The following ZUP1 variants were observed in gnomAD, a reference collection of about 807,000 sequenced individuals.
The protein encoded by ZUP1 is zinc finger-containing ubiquitin peptidase 1.
In ZUP1, 55 loss-of-function variants were observed where a neutral mutation model predicts 68.1. The observed-to-expected ratio is 0.81, with a 90% CI of 0.65 to 1.01. The LOEUF (loss-of-function observed/expected upper bound fraction) is 1.01. ZUP1 is among the 50% of genes least tolerant of loss of function. ZUP1 has a pLI of 0.00. For missense variants in ZUP1, 684 were observed against 674.9 expected, an observed-to-expected ratio of 1.01 and a Z score of -0.15; for synonymous variants, 223 against 221.5, an observed-to-expected ratio of 1.01 and a Z score of -0.06.
chr6:116,662,297 T>C (rs987558928), intron 2 of ZUP1, among the ~76,000 whole-genome samples: 1 of 152,176 alleles, frequency 6.6e-6, no homozygotes, highest in African/African-American at 2.4e-5. Context: ...ATCACACTAC[T>C]GCAAGCCAAT....
At chr6:116,657,174 T>C (rs1776696934) in intron 4 of ZUP1, among the ~76,000 whole-genome samples, 2 of 152,222 alleles carry the variant, frequency 1.3e-5, no homozygotes, top group South Asian at 4.1e-4. Context: ...AATGCATTGC[T>C]GATTTTTTCA....
At chr6:116,667,534 G>T (rs1777048659) in intron 1 of ZUP1, among the ~76,000 whole-genome samples, 1 of 151,906 alleles carries the variant, frequency 6.6e-6, no homozygotes, top group Non-Finnish European at 1.5e-5. Flanking sequence ...AAAATGAAGA[G>T]AAGAAACCTA....
rs147120870 is a variant in ZUP1 at position 116,658,408 on chromosome 6, C to A, written c.792+395G>T. ...TCTAAGTATAAATTTCGCTTCCAAG[C>A]ATCTATACAAACACTTAAATTCTGA... On this transcript the variant is annotated intron_variant, in intron 4 of 9. Transcript: ENST00000368576. Among the ~76,000 whole-genome samples, 652 of 152,266 alleles carry A rather than the reference C, an allele frequency of 4.3e-3. 4 individuals are homozygous for A. The highest frequency in any genetic ancestry group is 0.015 in the African/African-American group (632 of 41,538).
At chr6:116,658,699 A>T in intron 4 of ZUP1, 104 bp downstream of exon 4, 5 of 1,130,568 alleles carry the variant, frequency 4.4e-6, no homozygotes, top group Non-Finnish European at 6.0e-6. Flanking sequence ...ACATGTATAA[A>T]TTTTTTTTGA....
chr6:116,665,693 T>C (rs1776982297), intron 2 of ZUP1, among the ~76,000 whole-genome samples: 1 of 150,706 alleles, frequency 6.6e-6, no homozygotes, highest in African/African-American at 2.4e-5. Context: ...GATCCTCCTA[T>C]TTCAGCCTCC....
At chr6:116,642,129 A>C (rs1776123833) in intron 9 of ZUP1, among the ~76,000 whole-genome samples, 1 of 151,988 alleles carries the variant, frequency 6.6e-6, no homozygotes, top group Admixed American at 6.5e-5. Flanking sequence ...TCCCAAGACT[A>C]AATCAGGAAG....
intron 4 of ZUP1, 121 bp downstream of exon 4, chr6:116,658,682 G>A (rs548339843): frequency 3.3e-6 from 3 of 899,188 alleles, no homozygotes; most frequent in Non-Finnish European, 4.8e-6. Flanking sequence ...AATGGTGTCT[G>A]TTACAAACAT....
chr6:116,667,622 AGAGTTT>A (rs957682054), intron 1 of ZUP1, among the ~76,000 whole-genome samples: 15 of 152,208 alleles, frequency 9.9e-5, no homozygotes. Flanking sequence ...TCTTACAAGT[AGAGTTT>A]AACACTGTAA....
chr6:116,667,360 T>C (rs1263889455), intron 1 of ZUP1, among the ~76,000 whole-genome samples, 153 bp from the exon 2 acceptor site: 2 of 152,158 alleles, frequency 1.3e-5, no homozygotes, highest in Non-Finnish European at 2.9e-5. Context: ...AAAACTTATT[T>C]ATAAATATCA....
intron 5 of ZUP1, among the ~76,000 whole-genome samples, chr6:116,656,182 C>T (rs9489000): frequency 0.016 from 2,494 of 152,108 alleles, 74 homozygotes; most frequent in African/African-American, 0.056. Context: ...CGGGTTCAAG[C>T]GATTCTCCTG....
intron 4 of ZUP1, among the ~76,000 whole-genome samples, chr6:116,658,538 C>T (rs1281293880): frequency 6.6e-6 from 1 of 152,026 alleles, no homozygotes; most frequent in Non-Finnish European, 1.5e-5. Context: ...CATTCTCTGT[C>T]TCCATTTCTT....
In ZUP1 at chr6:116,666,664, G is replaced by A. The variant is rs1777018686; in HGVS notation, c.529C>T (p.His177Tyr). Reference protein sequence around the residue: ...EDMETHVKTKHANLLDIPLED... With the variant: ...EDMETHVKTKYANLLDIPLED... ...AATGGAATGTCTAAAAGATTGGCATGCTTTGTTTTCACATGAGTTTCCATA... is the reference window on the plus strand; with the variant it reads ...AATGGAATGTCTAAAAGATTGGCATACTTTGTTTTCACATGAGTTTCCATA... The change falls in exon 2 of 10, where the codon CAT (histidine) becomes TAT (tyrosine). Residue 177 changes from histidine to tyrosine, a missense_variant. By Grantham distance (83) the His-to-Tyr change is moderately conservative. Transcript: ENST00000368576. 1.3e-6 allele frequency: 2 copies of A among 1,593,366 alleles called. No homozygotes were observed. Among genetic ancestry groups the A allele is most frequent in the East Asian group, 2.2e-5 (1 of 44,640 alleles).
chr6:116,646,048 A>C, intron 8 of ZUP1, 114 bp from the exon 9 acceptor site: 1 of 664,770 alleles, frequency 1.5e-6, no homozygotes, highest in Non-Finnish European at 2.4e-6. Flanking sequence ...ATACAGTCAG[A>C]CTCTGACACA....
At chr6:116,639,445 G>C (rs1449096981) in intron 9 of ZUP1, among the ~76,000 whole-genome samples, 1 of 152,236 alleles carries the variant, frequency 6.6e-6, no homozygotes, top group African/African-American at 2.4e-5. Context: ...TCCCCCAGTA[G>C]GGGCAGACTG....
intron 2 of ZUP1, 149 bp from the exon 3 acceptor site, chr6:116,660,995 C>A: frequency 1.8e-6 from 1 of 542,622 alleles, no homozygotes. Context: ...CCTCCCATCT[C>A]AGCCTCCCAA....
In ZUP1 at chr6:116,660,772, C is replaced by T; in HGVS notation, c.634G>A (p.Val212Ile). 1 of 1,608,994 alleles carries T rather than the reference C, an allele frequency of 6.2e-7. No individual in the cohort carries two copies. The highest frequency in any genetic ancestry group is 8.5e-7 in the Non-Finnish European group (1 of 1,177,322). ...CTNYHILQEH[V>I]DLHLEENSFQ... Reference sequence around the variant, plus strand: ...CTGTTTTCTTCCAAATGCAAGTCAACATGTTCCTGAAGAATATGGTAATTT... The same window carrying T: ...CTGTTTTCTTCCAAATGCAAGTCAATATGTTCCTGAAGAATATGGTAATTT... The change falls in exon 3 of 10, where the codon GTT becomes ATT. Residue 212 changes from valine (V) to isoleucine (I), a missense_variant. Coordinates refer to ENST00000368576, the MANE Select transcript of ZUP1 (RefSeq NM_145062.3).
In ZUP1 at chr6:116,647,603, T is replaced by C. The variant is rs760561347; in HGVS notation, c.1324A>G (p.Ile442Val). ...CCAGTTGATTTGTGAAAATCAACAA[T>C]ATGACACCTATTAAAAATTGACAAA... ...LLTSLRVKCHIVDFHKSTGPL... is the reference protein window; with the variant it reads ...LLTSLRVKCHVVDFHKSTGPL... Residue 442 changes from isoleucine (I) to valine (V), a missense_variant, in exon 8 of 10, where the codon ATT becomes GTT. Ile to Val is a conservative substitution (Grantham distance 29). Coordinates refer to ENST00000368576, the MANE Select transcript of ZUP1 (RefSeq NM_145062.3). The C allele has an allele frequency of 5.9e-6, 9 of 1,528,592 alleles. No individual in the cohort carries two copies. The highest frequency in any genetic ancestry group is 5.1e-5 in the South Asian group (4 of 77,682). The allele number at this position is 1,528,592 out of a possible 1,614,324, so 94.7% of individuals were successfully genotyped here.
chr6:116,646,626 G>A (rs1031246871), intron 8 of ZUP1, among the ~76,000 whole-genome samples: 2 of 152,206 alleles, frequency 1.3e-5, no homozygotes, highest in African/African-American at 4.8e-5. Context: ...CCAGGCTGGA[G>A]TGCAGTGGCA....
At chr6:116,652,325 G>T in intron 5 of ZUP1, 133 bp from the exon 6 acceptor site, 2 of 689,706 alleles carry the variant, frequency 2.9e-6, no homozygotes, top group South Asian at 2.1e-5. Context: ...CCTTCTTCTT[G>T]CTATAACCTT....
Sources: allele counts gnomAD v4.1 joint callset (sites outside exome capture counted in the v4.1 genomes callset), GRCh38; gene constraint gnomAD v4.1.1; transcripts MANE v1.5; gene names NCBI Gene and HGNC (gene_info 2026-07-23, HGNC 2026-07-21).